IGSF21: variants seen among roughly 807,000 people sequenced by gnomAD.
IGSF21 encodes the protein immunoglobin superfamily member 21, also known as immunoglobulin superfamily member 21.
Under a neutral mutation model 46.8 loss-of-function variants are expected in IGSF21, and 28 were observed. The ratio of observed to expected loss-of-function variants is 0.60; its 90% CI spans 0.44 to 0.82. The LOEUF (loss-of-function observed/expected upper bound fraction) is 0.82. IGSF21 is among the 40% of genes least tolerant of loss of function. The probability of loss-of-function intolerance (pLI) is 0.00; values close to 1 mark genes in which losing one functional copy is unlikely to be tolerated. For synonymous variants in IGSF21, 284 were observed against 273.6 expected, an observed-to-expected ratio of 1.04 and a Z score of -0.38; for missense variants, 624 against 665.5, an observed-to-expected ratio of 0.94 and a Z score of 0.69.
At chr1:18,186,497 C>T (rs1011997245) in intron 1 of IGSF21, among the ~76,000 whole-genome samples, 1 of 152,150 alleles carries the variant, frequency 6.6e-6, no homozygotes. Context: ...CTTGGAGTGA[C>T]CCAATCTGTT....
intron 1 of IGSF21, among the ~76,000 whole-genome samples, chr1:18,163,061 G>C (rs2086642341): frequency 6.6e-6 from 1 of 152,150 alleles, no homozygotes. Context: ...AGTCATTCTA[G>C]GGTGATTCTT....
chr1:18,158,572 C>T (rs760868091), intron 1 of IGSF21, among the ~76,000 whole-genome samples: 30 of 152,146 alleles, frequency 2.0e-4, no homozygotes, highest in Non-Finnish European at 3.8e-4. Flanking sequence ...AGAAGCCATC[C>T]TTGCTGCCCT....
intron 4 of IGSF21, among the ~76,000 whole-genome samples, chr1:18,353,286 T>C (rs1348064213): frequency 6.6e-6 from 1 of 152,044 alleles, no homozygotes; most frequent in Non-Finnish European, 1.5e-5. Context: ...TCTTCGGGTC[T>C]CTGCTGGGAG....
chr1:18,178,342 C>T (rs145248309), intron 1 of IGSF21, among the ~76,000 whole-genome samples: 119 of 152,216 alleles, frequency 7.8e-4, no homozygotes, highest in Non-Finnish European at 1.3e-3. Flanking sequence ...CCTTGGCCAC[C>T]GAAAGGGAGA....
chr1:18,356,226 G>A (rs1460923839), intron 4 of IGSF21, among the ~76,000 whole-genome samples: 2 of 152,158 alleles, frequency 1.3e-5, no homozygotes, highest in African/African-American at 4.8e-5. Flanking sequence ...CCTTAGAAGG[G>A]TCATTTCAGA....
At position 18,290,784 on chromosome 1, in the gene IGSF21, T is replaced by TC. The variant is rs35912582; in HGVS notation, c.184-1076dup. ...TTGCCTGGGGAAGCTGCTTTCAGCA[T>TC]CCCCCCTACCCCAGCCCCTTGGAGT... On this transcript the variant is annotated intron_variant, in intron 2 of 9. Transcript: ENST00000251296. This position sits in a 1 kb window ranked among gnomAD's most constrained non-coding sequence, Gnocchi z 4.2. Among the ~76,000 whole-genome samples, 2 of 151,860 alleles carry TC rather than the reference T, an allele frequency of 1.3e-5. No homozygotes were observed. Among genetic ancestry groups the TC allele is most frequent in the Non-Finnish European group, 1.5e-5 (1 of 67,962 alleles).
intron 2 of IGSF21, among the ~76,000 whole-genome samples, chr1:18,234,452 G>C (rs147166332): frequency 0.017 from 2,595 of 152,252 alleles, 29 homozygotes; most frequent in Middle Eastern, 0.031. Context: ...CAAGTTCCCA[G>C]GTCTACTTCC....
chr1:18,227,679 G>C (rs778350510), intron 1 of IGSF21, among the ~76,000 whole-genome samples: 2 of 151,864 alleles, frequency 1.3e-5, no homozygotes, highest in Non-Finnish European at 2.9e-5. Context: ...CAGCCAAAAA[G>C]GAGATGTTGA....
chr1:18,165,484 C>A, intron 1 of IGSF21, among the ~76,000 whole-genome samples: 1 of 152,332 alleles, frequency 6.6e-6, no homozygotes, highest in South Asian at 2.1e-4. Context: ...AATTACTTCT[C>A]TAAAGGCCCT....
chr1:18,250,847 G>C (rs139210868), intron 2 of IGSF21, among the ~76,000 whole-genome samples: 1 of 152,178 alleles, frequency 6.6e-6, no homozygotes, highest in Non-Finnish European at 1.5e-5. Flanking sequence ...TTAGTGGGGT[G>C]AGGAGACAGA....
intron 1 of IGSF21, among the ~76,000 whole-genome samples, chr1:18,155,364 G>A (rs1287412459): frequency 2.6e-5 from 4 of 152,166 alleles, no homozygotes; most frequent in African/African-American, 9.7e-5. Context: ...CTGAGCCTCT[G>A]CTCCTGCATC....
At chr1:18,236,599 T>A (rs2124514063) in intron 2 of IGSF21, among the ~76,000 whole-genome samples, 1 of 152,298 alleles carries the variant, frequency 6.6e-6, no homozygotes, top group African/African-American at 2.4e-5. Context: ...AGACTTATAC[T>A]TGGCATTGTC....
At chr1:18,156,106 C>T (rs990017593) in intron 1 of IGSF21, among the ~76,000 whole-genome samples, 15 of 152,112 alleles carry the variant, frequency 9.9e-5, no homozygotes, top group African/African-American at 3.4e-4. Context: ...TTCTATCCTG[C>T]GGGGAGGGCC....
At chr1:18,178,315 G>A (rs570208965) in intron 1 of IGSF21, among the ~76,000 whole-genome samples, 1 of 152,254 alleles carries the variant, frequency 6.6e-6, no homozygotes, top group African/African-American at 2.4e-5. Context: ...AAGAGGAAGT[G>A]AAACCATAAA....
chr1:18,205,684 G>A (rs1447261589), intron 1 of IGSF21, among the ~76,000 whole-genome samples: 1 of 152,290 alleles, frequency 6.6e-6, no homozygotes, highest in Admixed American at 6.5e-5. Context: ...CTTGAACTGG[G>A]AGGAGGACTG....
At chr1:18,202,577 A>AAGAG (rs147654635) in intron 1 of IGSF21, among the ~76,000 whole-genome samples, 8 of 149,114 alleles carry the variant, frequency 5.4e-5, no homozygotes, top group African/African-American at 9.8e-5. Context: ...TGGCAGGAGA[A>AAGAG]AGAGAGAGAG....
intron 1 of IGSF21, among the ~76,000 whole-genome samples, chr1:18,192,675 T>C (rs1475798787): frequency 6.6e-6 from 1 of 151,866 alleles, no homozygotes; most frequent in African/African-American, 2.4e-5. Context: ...TGCAGAGGGG[T>C]GATCAGAAGG....
chr1:18,336,251 A>C (rs2085764687), intron 4 of IGSF21, among the ~76,000 whole-genome samples: 1 of 152,222 alleles, frequency 6.6e-6, no homozygotes, highest in South Asian at 2.1e-4. Flanking sequence ...AACATGCTGG[A>C]AGGAAATAAA....
At chr1:18,217,154 T>C (rs996922929) in intron 1 of IGSF21, among the ~76,000 whole-genome samples, 2 of 152,146 alleles carry the variant, frequency 1.3e-5, no homozygotes, top group African/African-American at 4.8e-5. Flanking sequence ...GGTCAAGTTG[T>C]GGTGTGATCC....
Sources: allele counts gnomAD v4.1 joint callset (sites outside exome capture counted in the v4.1 genomes callset), GRCh38; gene constraint gnomAD v4.1.1; non-coding constraint Gnocchi (gnomAD v3.1); transcripts MANE v1.5; gene names NCBI Gene and HGNC (gene_info 2026-07-23, HGNC 2026-07-21).